LRGUK: variants seen among roughly 807,000 people sequenced by gnomAD.
The protein encoded by LRGUK is leucine rich repeats and guanylate kinase domain containing.
LRGUK carries 65 observed loss-of-function variants against 76.0 expected under a neutral mutation model. The ratio of observed to expected loss-of-function variants is 0.85; its 90% CI spans 0.70 to 1.05. The LOEUF is 1.05. Among genes scored for constraint, LRGUK ranks in the 50% least tolerant of loss-of-function variants. The pLI is 0.00. For missense variants in LRGUK, 758 were observed against 732.8 expected (o/e 1.03, Z -0.40); for synonymous variants, 268 against 265.6 (o/e 1.01, Z -0.09).
At chr7:134,215,857 G>A (rs1801423837) in intron 15 of LRGUK, among the ~76,000 whole-genome samples, 1 of 152,128 alleles carries the variant, frequency 6.6e-6, no homozygotes, top group Non-Finnish European at 1.5e-5. Context: ...GATAAGAAGG[G>A]CCTAACCATT....
chr7:134,161,721 C>T (rs1585466741), intron 6 of LRGUK, among the ~76,000 whole-genome samples: 1 of 136,980 alleles, frequency 7.3e-6, no homozygotes, highest in Non-Finnish European at 1.5e-5. Flanking sequence ...GACGGAGTCT[C>T]GCTCTGTTGC....
At chr7:134,130,021 CCTT>C (rs1262477885) in intron 1 of LRGUK, among the ~76,000 whole-genome samples, 1 of 151,882 alleles carries the variant, frequency 6.6e-6, no homozygotes, top group East Asian at 1.9e-4. Flanking sequence ...TTTGTAATGT[CCTT>C]CTGTTCACTT....
At chr7:134,180,626 G>T (rs1799699903) in intron 10 of LRGUK, among the ~76,000 whole-genome samples, 1 of 151,710 alleles carries the variant, frequency 6.6e-6, no homozygotes, top group African/African-American at 2.4e-5. Context: ...GTACCACAGT[G>T]GTATTAGAAT....
rs79739039 is a variant in LRGUK, at chr7:134,189,949, T to A, written c.1335-1706T>A. 5.6e-3 allele frequency among the ~76,000 whole-genome samples: 859 copies of A among 152,342 alleles called. 6 individuals carry two copies. Among genetic ancestry groups the A allele is most frequent in the African/African-American group, 0.019 (802 of 41,568 alleles). ...GGAAAGGGAGCAGTGGTATGAATTA[T>A]AAACATTTATTTGTCTTTGACTTTG... On this transcript the variant is annotated intron_variant, in intron 11 of 15. Transcript: ENST00000645682.
At position 134,201,350 on chromosome 7, in the gene LRGUK, C is replaced by T. The variant is rs199792697; in HGVS notation, c.1748-131C>T. On this transcript the variant is annotated intron_variant, in intron 14 of 15. Transcript: ENST00000645682. ...TACAAAGGTGATGTGTCCTTAGGGT[C>T]ATCTTAGAATTCTGCCTACCATAAT... The T allele has an allele frequency of 9.2e-5, 62 of 674,134 alleles. 1 individual carries two copies. In the East Asian group the frequency reaches 1.6e-3, roughly 18 times the overall value. The allele number at this position is 674,134 out of a possible 1,614,324, so 41.8% of individuals were successfully genotyped here.
chr7:134,147,164 A>G (rs1585434389), intron 4 of LRGUK, among the ~76,000 whole-genome samples: 1 of 151,962 alleles, frequency 6.6e-6, no homozygotes, highest in Non-Finnish European at 1.5e-5. Flanking sequence ...TATAATCCCA[A>G]CACTTTGGGA....
intron 16 of LRGUK, among the ~76,000 whole-genome samples, chr7:134,245,471 T>C (rs991673945): frequency 6.6e-6 from 1 of 152,202 alleles, no homozygotes; most frequent in Non-Finnish European, 1.5e-5. Flanking sequence ...TAGATACTGA[T>C]ACCATGCAGG....
intron 8 of LRGUK, 65 bp downstream of exon 8, chr7:134,174,701 C>T: frequency 1.2e-6 from 1 of 864,774 alleles, no homozygotes; most frequent in South Asian, 1.4e-5. Flanking sequence ...GGGAAACTAT[C>T]TAGGAATTCT....
At chr7:134,252,192 G>A (rs559620968) in intron 18 of LRGUK, among the ~76,000 whole-genome samples, 34 of 151,630 alleles carry the variant, frequency 2.2e-4, no homozygotes, top group African/African-American at 8.0e-4. Flanking sequence ...AAAAAAAGTA[G>A]CTGGGAATGG....
intron 1 of LRGUK, among the ~76,000 whole-genome samples, chr7:134,134,714 A>T (rs1346858102): frequency 6.6e-6 from 1 of 152,192 alleles, no homozygotes; most frequent in East Asian, 1.9e-4. Flanking sequence ...AGGGAAGGTA[A>T]CATTCCTTCC....
intron 16 of LRGUK, among the ~76,000 whole-genome samples, chr7:134,226,819 G>A (rs950431237): frequency 6.6e-6 from 1 of 152,160 alleles, no homozygotes. Flanking sequence ...AAATGTTGTC[G>A]CTATGTCAGT....
chr7:134,132,100 C>A (rs762725205), intron 1 of LRGUK, among the ~76,000 whole-genome samples: 136 of 152,282 alleles, frequency 8.9e-4, no homozygotes, highest in Non-Finnish European at 7.4e-4. Context: ...GAAATCCTGA[C>A]ACTTTGGGAG....
chr7:134,205,984 AT>A (rs1325233934), intron 15 of LRGUK, among the ~76,000 whole-genome samples: 1 of 152,232 alleles, frequency 6.6e-6, no homozygotes, highest in East Asian at 1.9e-4. Context: ...TATGTTGCTA[AT>A]TTATAACTAA....
chr7:134,245,799 A>C (rs989869206), intron 16 of LRGUK, among the ~76,000 whole-genome samples: 3 of 152,174 alleles, frequency 2.0e-5, no homozygotes, highest in South Asian at 2.1e-4. Context: ...AATAACAACA[A>C]ACACAAAAAA....
intron 17 of LRGUK, 63 bp from the exon 18 acceptor site, chr7:134,248,888 T>A: frequency 7.7e-7 from 1 of 1,301,756 alleles, no homozygotes; most frequent in East Asian, 2.8e-5. Flanking sequence ...TATACATGTG[T>A]GTACACTTGG....
chr7:134,199,349 G>C, exon 14 of LRGUK: 1 of 1,613,850 alleles, frequency 6.2e-7, no homozygotes, highest in Non-Finnish European at 8.5e-7. Context: ...TGAATTTGCT[G>C]TCTCCAGAGT....
At chr7:134,130,581 A>G (rs909810981) in intron 1 of LRGUK, among the ~76,000 whole-genome samples, 1 of 152,236 alleles carries the variant, frequency 6.6e-6, no homozygotes, top group East Asian at 1.9e-4. Flanking sequence ...AAATAAACTG[A>G]AACAAAGTTT....
At chr7:134,159,993 T>G (rs1798652841) in intron 6 of LRGUK, among the ~76,000 whole-genome samples, 1 of 152,234 alleles carries the variant, frequency 6.6e-6, no homozygotes, top group African/African-American at 2.4e-5. Context: ...TTGAAAATGT[T>G]TAAGTTAGAA....
the LRGUK span, among the ~76,000 whole-genome samples, chr7:134,272,879 T>A: frequency 6.6e-6 from 1 of 152,202 alleles, no homozygotes; most frequent in Admixed American, 6.5e-5. Context: ...TTATTCTCAG[T>A]CAATTCAGGA....
Sources: gnomAD v4.1 joint callset for allele counts (sites outside exome capture counted in the v4.1 genomes callset) on GRCh38, gnomAD v4.1.1 for gene constraint, MANE v1.5 for transcripts, NCBI Gene and HGNC (gene_info 2026-07-23, HGNC 2026-07-21) for gene names.